The following CSMD1 variants were observed in gnomAD, a reference collection of about 807,000 sequenced individuals.
The protein encoded by CSMD1 is CUB and Sushi multiple domains 1.
A neutral mutation model predicts 417.5 loss-of-function variants in CSMD1; 213 were observed. The ratio of observed to expected loss-of-function variants is 0.51; its 90% CI spans 0.46 to 0.57. The LOEUF is 0.57. CSMD1 is among the 20% of genes least tolerant of loss of function. The pLI, the probability that CSMD1 is intolerant of heterozygous loss-of-function variation, is 0.00. For synonymous variants in CSMD1, 2,862 were observed against 1,736.8 expected (o/e 1.65, Z -16.11); for missense variants, 6,923 against 4,529.7 (o/e 1.53, Z -15.17).
intron 8 of CSMD1, among the ~76,000 whole-genome samples, chr8:3,600,625 G>T (rs1326188514): frequency 1.3e-5 from 2 of 152,140 alleles, no homozygotes; most frequent in Admixed American, 1.3e-4. Context: ...TGGTGGCAGT[G>T]GAAAACGACT....
chr8:4,136,807 G>A (rs1272143664), intron 3 of CSMD1, among the ~76,000 whole-genome samples: 2 of 152,156 alleles, frequency 1.3e-5, no homozygotes, highest in African/African-American at 4.8e-5. Context: ...TTGTAAGATT[G>A]TGAAGGGATC....
intron 10 of CSMD1, among the ~76,000 whole-genome samples, chr8:3,505,288 C>T (rs1214315180): frequency 3.3e-5 from 5 of 152,126 alleles, no homozygotes; most frequent in African/African-American, 4.8e-5. Context: ...TTACATCAAT[C>T]AACCAAAGAT....
intron 21 of CSMD1, among the ~76,000 whole-genome samples, chr8:3,351,959 C>T (rs1265747024): frequency 6.6e-6 from 1 of 152,026 alleles, no homozygotes; most frequent in Non-Finnish European, 1.5e-5. Flanking sequence ...TAATACCATC[C>T]TACTGAACAT....
At chr8:4,920,990 GAAAGAAAAGAAAGAAAGAAAGA>G (rs1232561914) in intron 1 of CSMD1, among the ~76,000 whole-genome samples, 5,135 of 34,558 alleles carry the variant, frequency 0.15, 806 homozygotes, top group Admixed American at 0.22. Flanking sequence ...AACAAAGAAA[GAAAGAAAAGAAAGAAAGAAAGA>G]AAAGAAAGAA....
chr8:3,242,682 G>T (rs1799618245), intron 26 of CSMD1, among the ~76,000 whole-genome samples: 1 of 151,956 alleles, frequency 6.6e-6, no homozygotes, highest in South Asian at 2.1e-4. Flanking sequence ...GAGAAGAGAG[G>T]GGAATGGAGG....
chr8:3,749,381 G>T (rs13271874), intron 6 of CSMD1, among the ~76,000 whole-genome samples: 2 of 152,036 alleles, frequency 1.3e-5, no homozygotes, highest in Non-Finnish European at 2.9e-5. Flanking sequence ...TAGATTTTAA[G>T]AGTAGCAACT....
chr8:4,482,208 G>A (rs532711124), intron 2 of CSMD1, among the ~76,000 whole-genome samples: 1 of 152,232 alleles, frequency 6.6e-6, no homozygotes, highest in East Asian at 1.9e-4. Context: ...ATTAAGCCAA[G>A]TACCCAGTAA....
At chr8:4,772,489 A>T (rs149412189) in intron 1 of CSMD1, among the ~76,000 whole-genome samples, 1 of 152,206 alleles carries the variant, frequency 6.6e-6, no homozygotes, top group South Asian at 2.1e-4. Flanking sequence ...AGCAAAACAT[A>T]ATATAACATT....
Position 4,137,415 on chromosome 8 carries a change from T to A in CSMD1, c.416-105316A>T, listed in dbSNP as rs1187210376. Among the ~76,000 whole-genome samples the A allele has an allele frequency of 2.2e-5, 3 of 134,270 alleles. 1 individual carries two copies. The highest frequency in any genetic ancestry group is 7.6e-5 in the Admixed American group (1 of 13,174). 88.1% of individuals were successfully genotyped at this position (134,270 alleles called of 152,430 possible). A position where few individuals can be genotyped will look rare whatever the true frequency, so the allele number is the denominator to read the frequency against. ...AGAACAGAAAACAAAAGTTATCGCTTGTGTTTAATAATGAAATTAAATATA... is the reference window on the plus strand; with the variant it reads ...AGAACAGAAAACAAAAGTTATCGCTAGTGTTTAATAATGAAATTAAATATA... On this transcript the variant is annotated intron_variant, in intron 3 of 69. Coordinates refer to ENST00000635120, the MANE Select transcript of CSMD1 (RefSeq NM_033225.6).
At chr8:3,763,859 C>A (rs530809643) in intron 5 of CSMD1, among the ~76,000 whole-genome samples, 1 of 152,246 alleles carries the variant, frequency 6.6e-6, no homozygotes, top group East Asian at 1.9e-4. Context: ...TGATTTCCTC[C>A]AAAGCCTTAG....
At chr8:3,666,300 C>T (rs1442651216) in intron 7 of CSMD1, among the ~76,000 whole-genome samples, 1 of 152,034 alleles carries the variant, frequency 6.6e-6, no homozygotes, top group Non-Finnish European at 1.5e-5. Context: ...TTGTGAGAAC[C>T]GATGTGAAGA....
At position 3,792,549 on chromosome 8, in the gene CSMD1, G is replaced by A. The variant is rs570648986; in HGVS notation, c.819-38507C>T. Among the ~76,000 whole-genome samples, 88 of 152,206 alleles carry A rather than the reference G, an allele frequency of 5.8e-4. 1 individual carries two copies. The highest frequency in any genetic ancestry group is 2.0e-3 in the African/African-American group (81 of 41,534). ...CACAATTGATTTATTTTTCAGACTAGTAACTTTGGAATTGACTCCTCCTTT... is the reference window on the plus strand; with the variant it reads ...CACAATTGATTTATTTTTCAGACTAATAACTTTGGAATTGACTCCTCCTTT... On this transcript the variant is annotated intron_variant, in intron 5 of 69. Transcript: ENST00000635120.
At chr8:4,101,368 A>T (rs752376013) in intron 3 of CSMD1, among the ~76,000 whole-genome samples, 1 of 152,098 alleles carries the variant, frequency 6.6e-6, no homozygotes, top group Non-Finnish European at 1.5e-5. Flanking sequence ...ACCACATTCC[A>T]TCTGGGGCCC....
In CSMD1 at chr8:3,869,852, T is replaced by C. The variant is rs991034799; in HGVS notation, c.819-115810A>G. Among the ~76,000 whole-genome samples the C allele has an allele frequency of 2.0e-5, 3 of 151,910 alleles. No homozygotes were observed. In the East Asian group the frequency reaches 5.8e-4, roughly 29 times the overall value. ...TTAATAATCACATTCCATGCTTTTA[T>C]GAATTATCCTTACTGATCTAATTTT... On this transcript the variant is annotated intron_variant, in intron 5 of 69. Coordinates refer to ENST00000635120, the MANE Select transcript of CSMD1 (RefSeq NM_033225.6).
chr8:4,717,645 C>A (rs1326240896), intron 1 of CSMD1, among the ~76,000 whole-genome samples: 1 of 151,838 alleles, frequency 6.6e-6, no homozygotes, highest in Non-Finnish European at 1.5e-5. Flanking sequence ...ACGGGGAAAG[C>A]ACTGGTGTGA....
chr8:3,394,003 A>AAT (rs1554536966), intron 17 of CSMD1, among the ~76,000 whole-genome samples: 22,837 of 44,026 alleles, frequency 0.52, 5,768 homozygotes, highest in Non-Finnish European at 0.59. Flanking sequence ...ATAATAATAA[A>AAT]AAAATAAATT....
At chr8:4,235,461 A>C (rs1215613824) in intron 3 of CSMD1, among the ~76,000 whole-genome samples, 1 of 152,034 alleles carries the variant, frequency 6.6e-6, no homozygotes, top group Non-Finnish European at 1.5e-5. Context: ...GTACCTGCTG[A>C]GTGTGATTTG....
chr8:4,439,246 C>G (rs1007902948), intron 2 of CSMD1, among the ~76,000 whole-genome samples: 1 of 152,024 alleles, frequency 6.6e-6, no homozygotes, highest in Non-Finnish European at 1.5e-5. Flanking sequence ...TATATTGCTT[C>G]TATTAAACAA....
At chr8:4,398,556 GC>G (rs1232916841) in intron 3 of CSMD1, among the ~76,000 whole-genome samples, 8 of 151,738 alleles carry the variant, frequency 5.3e-5, no homozygotes, top group East Asian at 2.0e-4. Context: ...ACCATGCCCG[GC>G]CAAATTTTTT....
Sources: allele counts gnomAD v4.1 joint callset (sites outside exome capture counted in the v4.1 genomes callset), GRCh38; gene constraint gnomAD v4.1.1; transcripts MANE v1.5; gene names NCBI Gene and HGNC (gene_info 2026-07-23, HGNC 2026-07-21).